Variants in GLIS3 observed in about 807,000 individuals in gnomAD.
GLIS3 encodes the protein zinc finger protein GLIS3.
A neutral mutation model predicts 78.6 loss-of-function variants in GLIS3; 53 were observed. The ratio of observed to expected loss-of-function variants is 0.67; its 90% CI spans 0.54 to 0.85. GLIS3 has a LOEUF of 0.85. Among genes scored for constraint, GLIS3 ranks in the 40% least tolerant of loss-of-function variants. The probability of loss-of-function intolerance (pLI) is 0.00; values close to 1 mark genes in which losing one functional copy is unlikely to be tolerated. For synonymous variants in GLIS3, 684 were observed against 509.9 expected, an observed-to-expected ratio of 1.34 and a Z score of -4.60; for missense variants, 1,703 against 1,231.1, an observed-to-expected ratio of 1.38 and a Z score of -5.74.
In GLIS3 at chr9:3,827,996, C is replaced by T. The variant is rs1247702789; in HGVS notation, c.*276G>A. The T allele has an allele frequency of 6.2e-6, 3 of 481,040 alleles. No homozygotes were observed. The highest frequency in any genetic ancestry group is 1.1e-5 in the Non-Finnish European group (3 of 262,752). The allele number at this position is 481,040 out of a possible 1,614,324, so 29.8% of individuals were successfully genotyped here. On this transcript the variant is annotated 3_prime_UTR_variant, in exon 11 of 11. Transcript: ENST00000381971. Reference sequence around the variant, plus strand: ...TTAAGGGTTGACAGCCAGGAAGTAACAGGTATCCAGGAGAGTGAGGCTCTA... The same window carrying T: ...TTAAGGGTTGACAGCCAGGAAGTAATAGGTATCCAGGAGAGTGAGGCTCTA...
the GLIS3 span, among the ~76,000 whole-genome samples, chr9:4,382,664 C>G: frequency 6.6e-6 from 1 of 152,136 alleles, no homozygotes; most frequent in South Asian, 2.1e-4. Flanking sequence ...TCTCCTTGTC[C>G]TAACCTCCTG....
intron 4 of GLIS3, among the ~76,000 whole-genome samples, chr9:4,042,241 A>C: frequency 6.6e-6 from 1 of 152,256 alleles, no homozygotes; most frequent in South Asian, 2.1e-4. Context: ...AGTAATTCCC[A>C]TGGCCAGCCT....
In GLIS3 at chr9:4,142,315, A is replaced by G. The variant is rs192248663; in HGVS notation, c.389-16374T>C. Reference sequence around the variant, plus strand: ...AATCAAGTTGATAGCTTATTCCCTGAATAATATACAAAGTCTTAGAAGAGA... The same window carrying G: ...AATCAAGTTGATAGCTTATTCCCTGGATAATATACAAAGTCTTAGAAGAGA... On this transcript the variant is annotated intron_variant, in intron 2 of 10. Transcript: ENST00000381971. Among the ~76,000 whole-genome samples the G allele has an allele frequency of 3.6e-3, 556 of 152,364 alleles. 6 individuals carry two copies. Among genetic ancestry groups the G allele is most frequent in the Non-Finnish European group, 5.6e-3 (381 of 68,026 alleles).
At chr9:4,415,543 T>C in the GLIS3 span, among the ~76,000 whole-genome samples, 2 of 152,158 alleles carry the variant, frequency 1.3e-5, no homozygotes, top group Non-Finnish European at 2.9e-5. Context: ...CATCAGCTGG[T>C]CTTGTTCTCG....
chr9:4,361,992 C>A, the GLIS3 span, among the ~76,000 whole-genome samples: 2 of 152,254 alleles, frequency 1.3e-5, no homozygotes, highest in Admixed American at 1.3e-4. Flanking sequence ...AGTGAAATTC[C>A]AACGATTAAT....
At chr9:4,059,823 T>TGAGA (rs1323533281) in intron 4 of GLIS3, among the ~76,000 whole-genome samples, 26 of 123,950 alleles carry the variant, frequency 2.1e-4, no homozygotes, top group African/African-American at 8.3e-4. Flanking sequence ...TGTGTGTGTG[T>TGAGA]GTGTGTGAGA....
chr9:3,831,914 A>T (rs1818066795), intron 9 of GLIS3, among the ~76,000 whole-genome samples: 1 of 152,176 alleles, frequency 6.6e-6, no homozygotes, highest in East Asian at 1.9e-4. Context: ...TATGTTACAG[A>T]ATAAAGATGG....
intron 8 of GLIS3, among the ~76,000 whole-genome samples, chr9:3,872,701 C>T (rs1454628767): frequency 6.6e-6 from 1 of 152,172 alleles, no homozygotes; most frequent in African/African-American, 2.4e-5. Flanking sequence ...TATGGGAATA[C>T]AATTCAAGAT....
At chr9:3,883,946 GCTTTCT>G (rs1486184200) in intron 7 of GLIS3, among the ~76,000 whole-genome samples, 3 of 152,320 alleles carry the variant, frequency 2.0e-5, no homozygotes, top group East Asian at 1.9e-4. Context: ...GCTGCCATGG[GCTTTCT>G]CTTTCTTAGT....
intron 4 of GLIS3, among the ~76,000 whole-genome samples, chr9:4,058,862 A>G (rs887186363): frequency 3.9e-5 from 6 of 151,970 alleles, no homozygotes; most frequent in South Asian, 2.1e-4. Flanking sequence ...GGTGCCTGTA[A>G]TCCCAGCTAC....
intron 4 of GLIS3, among the ~76,000 whole-genome samples, chr9:4,003,699 C>T (rs1821305194): frequency 6.6e-6 from 1 of 152,138 alleles, no homozygotes; most frequent in African/African-American, 2.4e-5. Flanking sequence ...TCACTGGTTC[C>T]AAATAAGGTG....
At chr9:4,101,450 AC>A (rs1356359338) in intron 4 of GLIS3, among the ~76,000 whole-genome samples, 2 of 152,180 alleles carry the variant, frequency 1.3e-5, no homozygotes, top group East Asian at 3.8e-4. Flanking sequence ...TTCTGTATAA[AC>A]CATATAAAGC....
In GLIS3 at chr9:4,321,358, C is replaced by T. The variant is rs377431070; in HGVS notation, n.265-10830G>A. On this transcript the variant is annotated intron_variant and non_coding_transcript_variant, in intron 2 of 4. Coordinates refer to the GLIS3 transcript ENST00000471664. ...AATGGCGTGAACCCAGGAGGCGGAG[C>T]TTGCAGGGAGCCGAGATGGCGCCAC... 6.0e-3 allele frequency among the ~76,000 whole-genome samples: 682 copies of T among 113,266 alleles called. 113 individuals are homozygous for T. The highest frequency in any genetic ancestry group is 0.029 in the African/African-American group (640 of 22,088). The allele number at this position is 113,266 out of a possible 152,430, so 74.3% of individuals were successfully genotyped here.
chr9:3,867,323 C>T (rs1312800997), intron 8 of GLIS3, among the ~76,000 whole-genome samples: 2 of 152,196 alleles, frequency 1.3e-5, no homozygotes, highest in Admixed American at 1.3e-4. Context: ...CAACCAATGT[C>T]ATCTATTTCC....
intron 2 of GLIS3, among the ~76,000 whole-genome samples, chr9:4,223,589 G>A (rs1821515098): frequency 6.6e-6 from 1 of 151,944 alleles, no homozygotes; most frequent in Non-Finnish European, 1.5e-5. Context: ...GTTTTAATCG[G>A]CCTCTAAAAC....
chr9:4,445,795 T>C, the GLIS3 span, among the ~76,000 whole-genome samples: 4 of 152,106 alleles, frequency 2.6e-5, no homozygotes, highest in Non-Finnish European at 5.9e-5. Context: ...CACACCCCAC[T>C]ATGAGGGCCA....
chr9:4,116,082 C>T (rs561550806), intron 4 of GLIS3, among the ~76,000 whole-genome samples: 18 of 152,204 alleles, frequency 1.2e-4, no homozygotes, highest in Non-Finnish European at 2.6e-4. Context: ...CAAAGCCTGG[C>T]AACAGTAGAA....
At chr9:4,338,865 C>G (rs955260330) in intron 2 of GLIS3, among the ~76,000 whole-genome samples, 2 of 152,094 alleles carry the variant, frequency 1.3e-5, no homozygotes, top group African/African-American at 4.8e-5. Flanking sequence ...GGGTATGTGC[C>G]TGAGTCTTGG....
intron 2 of GLIS3, among the ~76,000 whole-genome samples, chr9:4,314,993 T>G (rs1459958780): frequency 6.6e-6 from 1 of 152,222 alleles, no homozygotes; most frequent in Non-Finnish European, 1.5e-5. Flanking sequence ...GACCATAGCT[T>G]GTGAAGCCAT....
Sources: gnomAD v4.1 joint callset for allele counts (sites outside exome capture counted in the v4.1 genomes callset) on GRCh38, gnomAD v4.1.1 for gene constraint, MANE v1.5 for transcripts, NCBI Gene and HGNC (gene_info 2026-07-23, HGNC 2026-07-21) for gene names.